The following KCNH3 variants were observed in gnomAD, a reference collection of about 807,000 sequenced individuals.
KCNH3 encodes the protein potassium voltage-gated channel subfamily H member 3.
Under a neutral mutation model 95.6 loss-of-function variants are expected in KCNH3, and 36 were observed. That is an observed-to-expected ratio of 0.38 (90% CI 0.29 to 0.50). KCNH3 has a LOEUF of 0.50. Among genes scored for constraint, KCNH3 ranks in the 20% least tolerant of loss-of-function variants. KCNH3 has a pLI of 0.95. For missense variants in KCNH3, 1,030 were observed against 1,484.1 expected, an observed-to-expected ratio of 0.69 and a Z score of 5.03; for synonymous variants, 620 against 646.3, an observed-to-expected ratio of 0.96 and a Z score of 0.62.
At chr12:49,551,331 T>C (rs1435880279) in intron 10 of KCNH3, among the ~76,000 whole-genome samples, 1 of 152,042 alleles carries the variant, frequency 6.6e-6, no homozygotes, top group Non-Finnish European at 1.5e-5. Flanking sequence ...ATTCCAGCAC[T>C]TTGGCAGGCC....
chr12:49,551,664 C>T (rs371581036), intron 10 of KCNH3, among the ~76,000 whole-genome samples: 158 of 149,568 alleles, frequency 1.1e-3, no homozygotes, highest in African/African-American at 2.6e-3. Context: ...CCCTAGAGGG[C>T]GGGGAACATG....
At position 49,557,867 on chromosome 12, in the gene KCNH3, G is replaced by A; in HGVS notation, c.3166G>A (p.Asp1056Asn). ...GTCAGGGGGCCTGGCCTTGCCCTGG[G>A]ACCCCCACAGCCTGGAGATGGTGCT... ...PGSGGLALPW[D>N]PHSLEMVLIG... The change falls in exon 15 of 15, where the codon GAC becomes AAC. Residue 1056 changes from aspartate to asparagine, a missense_variant. Asp to Asn is a conservative substitution (Grantham distance 23, BLOSUM62 1). Transcript: ENST00000257981. 6.3e-7 allele frequency: 1 copy of A among 1,577,958 alleles called. No homozygotes were observed. The highest frequency in any genetic ancestry group is 8.6e-7 in the Non-Finnish European group (1 of 1,160,556).
In KCNH3 at chr12:49,541,153, C is replaced by A. The variant is rs777196024; in HGVS notation, c.310+21C>A. The A allele has an allele frequency of 3.2e-6, 5 of 1,573,212 alleles. No individual in the cohort carries two copies. The East Asian group carries it at 9.0e-5, about 28-fold the overall frequency. On this transcript the variant is annotated intron_variant, in intron 2 of 14. Coordinates refer to ENST00000257981, the MANE Select transcript of KCNH3 (RefSeq NM_012284.3). ...GAGCGGTGAGGGGCCACCTGGCCAG[C>A]CTGCCTCACCTTTGCAGTCTCACCC...
intron 6 of KCNH3, 30 bp from the exon 7 acceptor site, chr12:49,544,145 T>TTCCCCCCCCCCCC: frequency 1.2e-6 from 1 of 818,380 alleles, no homozygotes; most frequent in Admixed American, 1.9e-5. Flanking sequence ...CTGACCTCCC[T>TTCCCCCCCCCCCC]CCCTCCCTCC....
intron 7 of KCNH3, among the ~76,000 whole-genome samples, chr12:49,545,555 C>G (rs1938034172): frequency 6.6e-6 from 1 of 152,022 alleles, no homozygotes; most frequent in Admixed American, 6.6e-5. Context: ...AGCACGCCGG[C>G]TAATTTTTTG....
chr12:49,548,095 CGTGT>C (rs369626063), intron 7 of KCNH3, among the ~76,000 whole-genome samples: 12,623 of 146,578 alleles, frequency 0.086, 586 homozygotes, highest in Non-Finnish European at 0.1. Context: ...CCTGTGACTA[CGTGT>C]GTGTGTGTGT....
At chr12:49,557,126 A>C in intron 13 of KCNH3, 57 bp from the exon 14 acceptor site, 1 of 1,564,190 alleles carries the variant, frequency 6.4e-7, no homozygotes, top group East Asian at 2.2e-5. Flanking sequence ...CTAGACCCCC[A>C]AATTGCCTAT....
chr12:49,557,868 AC>A lies in KCNH3; in HGVS notation c.3172del (p.His1058ThrfsTer31). The A allele has an allele frequency of 6.3e-7, 1 of 1,577,516 alleles. No homozygotes were observed. Among genetic ancestry groups the A allele is most frequent in the Non-Finnish European group, 8.6e-7 (1 of 1,160,290 alleles). Reference sequence around the variant, plus strand: ...TCAGGGGGCCTGGCCTTGCCCTGGGACCCCCACAGCCTGGAGATGGTGCTTA... The same window carrying A: ...TCAGGGGGCCTGGCCTTGCCCTGGGACCCCACAGCCTGGAGATGGTGCTTA... ...PGSGGLALPWDPHSLEMVLIG... is the reference protein window; with the variant it reads ...PGSGGLALPWXPHSLEMVLIG... On this transcript the variant is annotated frameshift_variant, in exon 15 of 15. Coordinates refer to ENST00000257981, the MANE Select transcript of KCNH3 (RefSeq NM_012284.3). LOFTEE classifies it high-confidence loss of function.
chr12:49,552,956 T>C (rs990236884), intron 10 of KCNH3, among the ~76,000 whole-genome samples: 3 of 152,088 alleles, frequency 2.0e-5, no homozygotes, highest in African/African-American at 7.2e-5. Context: ...GGAGCAAAAG[T>C]CCAGGAACAT....
chr12:49,546,367 A>T (rs2138146947), intron 7 of KCNH3: 1 of 151,042 alleles, frequency 6.6e-6, no homozygotes, highest in East Asian at 2.0e-4. Context: ...CTGCCCCCTA[A>T]CTGGGTTGGC....
intron 5 of KCNH3, 101 bp downstream of exon 5, chr12:49,543,619 G>T: frequency 7.0e-7 from 1 of 1,438,284 alleles, no homozygotes; most frequent in Non-Finnish European, 9.3e-7. Context: ...TGCCCCCCTC[G>T]CTCTCTCTCA....
intron 10 of KCNH3, among the ~76,000 whole-genome samples, chr12:49,552,454 T>C (rs1029515314): frequency 6.6e-6 from 1 of 152,204 alleles, no homozygotes; most frequent in African/African-American, 2.4e-5. Flanking sequence ...CCCTGTTGAC[T>C]TGGAGGCTCT....
chr12:49,555,130 ATAGAT>A (rs1435397161), intron 11 of KCNH3, among the ~76,000 whole-genome samples: 4 of 152,026 alleles, frequency 2.6e-5, no homozygotes, highest in Admixed American at 2.0e-4. Flanking sequence ...GTGGCTTTAG[ATAGAT>A]TATAGATTAA....
At chr12:49,556,650 C>A (rs1020222342) in intron 13 of KCNH3, 174 bp downstream of exon 13, 27 of 703,856 alleles carry the variant, frequency 3.8e-5, no homozygotes, top group Middle Eastern at 2.3e-4. Flanking sequence ...GTGGTGAAGA[C>A]CAGCACTTTA....
chr12:49,555,821 G>A lies in KCNH3; in HGVS notation c.2338G>A (p.Gly780Ser), dbSNP rs546011736. The A allele has an allele frequency of 6.2e-7, 1 of 1,613,446 alleles. No individual in the cohort carries two copies. The highest frequency in any genetic ancestry group is 8.5e-7 in the Non-Finnish European group (1 of 1,179,900). Residue 780 changes from glycine to serine, a missense_variant, in exon 12 of 15, where the codon GGT (glycine) becomes AGT (serine). Coordinates refer to ENST00000257981, the MANE Select transcript of KCNH3 (RefSeq NM_012284.3). ...TCGAACAGCACCCCGGCCTCGTCTA[G>A]GTGGCAGAGGGAGGCCAGGCAGGGC... ...PRRTAPRPRL[G>S]GRGRPGRAGA...
rs779228853 is a variant in KCNH3, at chr12:49,544,215, G to A, written c.1022G>A (p.Arg341His). Reference protein sequence around the residue: ...AHLLKTVRLLRLLRLLPRLDR... With the variant: ...AHLLKTVRLLHLLRLLPRLDR... Reference sequence around the variant, plus strand: ...CTGCTGAAGACGGTGCGCCTGCTGCGCCTGCTGCGCCTGCTTCCGCGGCTG... The same window carrying A: ...CTGCTGAAGACGGTGCGCCTGCTGCACCTGCTGCGCCTGCTTCCGCGGCTG... The change falls in exon 7 of 15, where the codon CGC (arginine) becomes CAC (histidine). Residue 341 changes from arginine (R) to histidine (H), a missense_variant. This residue lies in a region of KCNH3 where 153 missense variants were observed against 288.5 expected (regional missense o/e 0.53). Transcript: ENST00000257981. 16 of 1,588,192 alleles carry A rather than the reference G, an allele frequency of 1.0e-5. No individual in the cohort carries two copies. In the Admixed American group the frequency reaches 1.1e-4, roughly 10 times the overall value.
At position 49,539,241 on chromosome 12, in the gene KCNH3, C is replaced by T; in HGVS notation, c.-176C>T. 5.2e-6 allele frequency: 1 copy of T among 192,764 alleles called. No individual in the cohort carries two copies. Among genetic ancestry groups the T allele is most frequent in the Non-Finnish European group, 1.0e-5 (1 of 96,882 alleles). The allele number at this position is 192,764 out of a possible 1,614,324, so 11.9% of individuals were successfully genotyped here. A position where few individuals can be genotyped will look rare whatever the true frequency, so the allele number is the denominator to read the frequency against. On this transcript the variant is annotated 5_prime_UTR_variant, in exon 1 of 15. In the 5' UTR this introduces an upstream ATG that the reference lacks. Transcript: ENST00000257981. This position sits in a 1 kb window ranked among gnomAD's most constrained non-coding sequence, Gnocchi z 6.7. Reference sequence around the variant, plus strand: ...ATGCTCCGGGCCCCGACGGCGCGGACGCCCCCTCGCGCGCCAGCGTCCGGC... The same window carrying T: ...ATGCTCCGGGCCCCGACGGCGCGGATGCCCCCTCGCGCGCCAGCGTCCGGC...
At position 49,549,502 on chromosome 12, in the gene KCNH3, C is replaced by T. The variant is rs764492508; in HGVS notation, c.1530C>T (p.Arg510=). ...VTAIIQRMYA[R]RFLYHSRTRD... Reference sequence around the variant, plus strand: ...CCATCATCCAGCGCATGTACGCCCGCCGCTTTCTGTACCACAGCCGCACGC... The same window carrying T: ...CCATCATCCAGCGCATGTACGCCCGTCGCTTTCTGTACCACAGCCGCACGC... The change falls in exon 9 of 15, where the codon CGC becomes CGT. Residue 510 remains arginine, a synonymous_variant. Transcript: ENST00000257981. 7 of 1,613,628 alleles carry T rather than the reference C, an allele frequency of 4.3e-6. No individual in the cohort carries two copies. Among genetic ancestry groups the T allele is most frequent in the African/African-American group, 1.3e-5 (1 of 74,956 alleles).
Position 49,555,895 on chromosome 12 carries a change from A to G in KCNH3, c.2412A>G (p.Leu804=), listed in dbSNP as rs763492370. ...EAGPSAPPRA[L]EGLRLPPMPW... is the part of the protein sequence containing the mutation. The stretch of plus-strand genomic sequence containing the variant: ...GCCCCTCTGCTCCCCCACGGGCCCT[A>G]GAGGGGCTACGGCTGCCCCCCATGC... Residue 804 remains leucine (L), a synonymous_variant, in exon 12 of 15, where the codon CTA becomes CTG. Transcript: ENST00000257981. 1 of 1,603,190 alleles carries G rather than the reference A, an allele frequency of 6.2e-7. No homozygotes were observed. The highest frequency in any genetic ancestry group is 8.5e-7 in the Non-Finnish European group (1 of 1,173,764).
Sources: gnomAD v4.1 joint callset for allele counts (sites outside exome capture counted in the v4.1 genomes callset) on GRCh38, gnomAD v4.1.1 for gene constraint, gnomAD v4.1.1 regional missense constraint, Gnocchi (gnomAD v3.1) non-coding constraint, MANE v1.5 for transcripts, NCBI Gene and HGNC (gene_info 2026-07-23, HGNC 2026-07-21) for gene names.